The following FAM110B variants were observed in gnomAD, a reference collection of about 807,000 sequenced individuals.
FAM110B encodes family with sequence similarity 110 member B.
FAM110B carries 6 observed loss-of-function variants against 20.4 expected under a neutral mutation model. That is an observed-to-expected ratio of 0.29 (90% CI 0.16 to 0.58). The LOEUF is 0.58. Among genes scored for constraint, FAM110B ranks in the 20% least tolerant of loss-of-function variants. The probability of loss-of-function intolerance (pLI) is 0.90; values close to 1 mark genes in which losing one functional copy is unlikely to be tolerated. For missense variants in FAM110B, 434 were observed against 498.2 expected, an observed-to-expected ratio of 0.87 and a Z score of 1.23; for synonymous variants, 226 against 214.1, an observed-to-expected ratio of 1.06 and a Z score of -0.49.
intron 3 of FAM110B, among the ~76,000 whole-genome samples, chr8:58,135,701 T>C (rs1257133518): frequency 1.3e-5 from 2 of 152,174 alleles, no homozygotes; most frequent in African/African-American, 4.8e-5. Flanking sequence ...AAAATGGACC[T>C]TGGTAGAAGC....
intron 1 of FAM110B, among the ~76,000 whole-genome samples, chr8:58,003,754 C>A (rs546875610): frequency 2.0e-4 from 30 of 152,308 alleles, no homozygotes; most frequent in African/African-American, 7.2e-4. Context: ...ATACTGTAAA[C>A]AGATGTGCTG....
chr8:58,130,500 C>T (rs1803426172), intron 3 of FAM110B, among the ~76,000 whole-genome samples: 1 of 152,194 alleles, frequency 6.6e-6, no homozygotes, highest in Non-Finnish European at 1.5e-5. Context: ...GCACAGTTTA[C>T]ATTTTCCCTT....
At chr8:58,126,560 A>G (rs1361799443) in intron 3 of FAM110B, among the ~76,000 whole-genome samples, 1 of 152,090 alleles carries the variant, frequency 6.6e-6, no homozygotes, top group Non-Finnish European at 1.5e-5. Flanking sequence ...GCCAGCATTT[A>G]TTGGGTGGTG....
chr8:58,126,673 C>A (rs1807514407), intron 3 of FAM110B, among the ~76,000 whole-genome samples: 1 of 152,028 alleles, frequency 6.6e-6, no homozygotes, highest in African/African-American at 2.4e-5. Context: ...ATGTTGACAT[C>A]TTTTCATATG....
chr8:58,006,919 A>ATTTTTTTT (rs137960762), intron 1 of FAM110B, among the ~76,000 whole-genome samples: 10 of 102,786 alleles, frequency 9.7e-5, no homozygotes, highest in African/African-American at 1.4e-4. Context: ...ATATATATAT[A>ATTTTTTTT]TATATTTTTC....
intron 3 of FAM110B, 54 bp downstream of exon 3, chr8:58,075,677 A>G (rs931168776): frequency 6.6e-6 from 1 of 152,126 alleles, no homozygotes; most frequent in Non-Finnish European, 1.5e-5. Context: ...TTGATTCTCT[A>G]CGAAAACCTG....
At chr8:58,036,301 C>T (rs1051327961) in intron 2 of FAM110B, among the ~76,000 whole-genome samples, 1 of 152,178 alleles carries the variant, frequency 6.6e-6, no homozygotes, top group Non-Finnish European at 1.5e-5. Context: ...TTCAGCAAGT[C>T]TGTTTGCATT....
intron 1 of FAM110B, among the ~76,000 whole-genome samples, chr8:58,000,710 C>T (rs901791785): frequency 1.3e-5 from 2 of 152,160 alleles, no homozygotes. Context: ...ATTGGGCATT[C>T]AGCAATTTTG....
chr8:58,021,938 A>T (rs1486326694), intron 1 of FAM110B, among the ~76,000 whole-genome samples: 1 of 152,180 alleles, frequency 6.6e-6, no homozygotes. Flanking sequence ...TGTTTTACAC[A>T]CATACTCTAT....
chr8:58,007,713 T>A (rs1256052467), intron 1 of FAM110B, among the ~76,000 whole-genome samples: 1 of 152,180 alleles, frequency 6.6e-6, no homozygotes, highest in Non-Finnish European at 1.5e-5. Flanking sequence ...AAGGGGACCC[T>A]CATCAGACGC....
At chr8:58,084,959 G>C (rs894059360) in intron 3 of FAM110B, among the ~76,000 whole-genome samples, 5 of 152,144 alleles carry the variant, frequency 3.3e-5, no homozygotes, top group Admixed American at 3.3e-4. Flanking sequence ...CTTTCCCTCT[G>C]GACACTGTTT....
At chr8:58,103,118 G>A (rs1806823471) in intron 3 of FAM110B, among the ~76,000 whole-genome samples, 1 of 151,778 alleles carries the variant, frequency 6.6e-6, no homozygotes, top group Admixed American at 6.6e-5. Context: ...GAAGGTTTAT[G>A]CATTTGGGTC....
intron 3 of FAM110B, among the ~76,000 whole-genome samples, chr8:58,123,140 G>A (rs16923081): frequency 0.026 from 3,971 of 152,214 alleles, 79 homozygotes; most frequent in South Asian, 0.09. Context: ...AACTGCTCCC[G>A]CCTGCCAAGG....
At chr8:58,042,559 G>A (rs1445422394) in intron 2 of FAM110B, among the ~76,000 whole-genome samples, 1 of 152,180 alleles carries the variant, frequency 6.6e-6, no homozygotes, top group Non-Finnish European at 1.5e-5. Flanking sequence ...TTAGGTGATT[G>A]GTTGCAAGAG....
intron 3 of FAM110B, among the ~76,000 whole-genome samples, chr8:58,135,496 A>G (rs1039847050): frequency 2.0e-5 from 3 of 152,216 alleles, no homozygotes; most frequent in East Asian, 1.9e-4. Flanking sequence ...TAATTTTATT[A>G]TAACACACAT....
chr8:58,144,198 G>A (rs978324253), intron 3 of FAM110B, among the ~76,000 whole-genome samples: 3 of 152,118 alleles, frequency 2.0e-5, no homozygotes, highest in Admixed American at 6.5e-5. Flanking sequence ...GTATTGTCCT[G>A]GGGTCAGCCC....
intron 3 of FAM110B, among the ~76,000 whole-genome samples, chr8:58,092,407 C>G (rs199857919): frequency 1.3e-5 from 2 of 152,112 alleles, no homozygotes; most frequent in Non-Finnish European, 2.9e-5. Flanking sequence ...CCCCCTACCC[C>G]CCGACAGGCC....
chr8:58,064,857 A>G (rs1340075953), intron 2 of FAM110B, among the ~76,000 whole-genome samples: 1 of 152,210 alleles, frequency 6.6e-6, no homozygotes, highest in Non-Finnish European at 1.5e-5. Flanking sequence ...ATAGAAGGAG[A>G]GACGTATATG....
chr8:58,093,007 ACTTTC>A (rs570950464), intron 3 of FAM110B, among the ~76,000 whole-genome samples: 88 of 152,170 alleles, frequency 5.8e-4, no homozygotes, highest in Non-Finnish European at 1.1e-3. Context: ...GGGATGATGA[ACTTTC>A]CTTCATATGT....
Sources: gnomAD v4.1 joint callset for allele counts (sites outside exome capture counted in the v4.1 genomes callset) on GRCh38, gnomAD v4.1.1 for gene constraint, MANE v1.5 for transcripts, NCBI Gene and HGNC (gene_info 2026-07-23, HGNC 2026-07-21) for gene names.